Variants in RELCH observed in about 807,000 individuals in gnomAD.
RELCH encodes RAB11-binding protein RELCH.
RELCH carries 41 observed loss-of-function variants against 150.3 expected under a neutral mutation model. That is an observed-to-expected ratio of 0.27 (90% confidence interval 0.21 to 0.35). RELCH has a LOEUF of 0.35. RELCH is among the 10% of genes least tolerant of loss of function. RELCH has a pLI of 1.00. For synonymous variants in RELCH, 478 were observed against 531.8 expected, an observed-to-expected ratio of 0.90 and a Z score of 1.39; for missense variants, 1,092 against 1,467.8, an observed-to-expected ratio of 0.74 and a Z score of 4.18.
At chr18:62,260,920 G>C (rs892692049) in intron 15 of RELCH, among the ~76,000 whole-genome samples, 14 of 151,858 alleles carry the variant, frequency 9.2e-5, no homozygotes, top group African/African-American at 3.1e-4. Flanking sequence ...GTCTGGGGGA[G>C]TAATGAACAG....
chr18:62,232,394 C>A lies in RELCH; in HGVS notation c.1587C>A (p.His529Gln). 1 of 1,611,152 alleles carries A rather than the reference C, an allele frequency of 6.2e-7. No individual in the cohort carries two copies. ...VMLMLGRCLP[H>Q]IVPNVLLAKR... ...TAATGCTGGGACGCTGCCTGCCACA[C>A]ATTGTTCCCAATGTGCTATTGGCAA... Residue 529 changes from histidine to glutamine, a missense_variant, in exon 10 of 29, where the codon CAC (histidine) becomes CAA (glutamine). Around this residue, in one of 4 missense-constraint regions of RELCH, gnomAD observed 707 missense variants for 1,025.4 expected, o/e 0.69. Transcript: ENST00000644646.
At chr18:62,282,559 C>G in intron 25 of RELCH, 115 bp downstream of exon 25, 1 of 967,870 alleles carries the variant, frequency 1.0e-6, no homozygotes, top group Non-Finnish European at 1.6e-6. Flanking sequence ...GTGTTAAAGC[C>G]TTGTGTACTG....
rs756418002 is a variant in RELCH at position 62,227,703 on chromosome 18, C to T, written c.1154+14C>T. 7.6e-7 allele frequency: 1 copy of T among 1,319,508 alleles called. No homozygotes were observed. Among genetic ancestry groups the T allele is most frequent in the African/African-American group, 1.5e-5 (1 of 67,564 alleles). The allele number at this position is 1,319,508 out of a possible 1,614,324, so 81.7% of individuals were successfully genotyped here. A position where few individuals can be genotyped will look rare whatever the true frequency, so the allele number is the denominator to read the frequency against. ...AAGACTTAAAAGGTTAGTACTTGAT[C>T]ATTATTCCTAAAAATCCTCTTAAGG... On this transcript the variant is annotated intron_variant, in intron 7 of 28. Transcript: ENST00000644646.
At chr18:62,285,847 A>G (rs1304218530) in intron 25 of RELCH, 2 of 152,200 alleles carry the variant, frequency 1.3e-5, no homozygotes, top group African/African-American at 4.8e-5. Context: ...GCTTTTAACC[A>G]TCTGTCTACA....
chr18:62,266,145 A>G (rs980242501), intron 18 of RELCH, among the ~76,000 whole-genome samples: 1 of 149,752 alleles, frequency 6.7e-6, no homozygotes, highest in Non-Finnish European at 1.5e-5. Flanking sequence ...TAAAAAATTT[A>G]AACAAACCTC....
At chr18:62,291,421 G>A (rs2045127694) in intron 26 of RELCH, 122 bp from the exon 27 acceptor site, 1 of 529,768 alleles carries the variant, frequency 1.9e-6, no homozygotes, top group Admixed American at 4.0e-5. Context: ...TGTTTACCCT[G>A]AGTGATCACT....
At chr18:62,189,275 G>GTTTTTTTTTTTTTTGTTTT (rs200508195) in intron 1 of RELCH, among the ~76,000 whole-genome samples, 2 of 130,330 alleles carry the variant, frequency 1.5e-5, no homozygotes, top group Non-Finnish European at 3.3e-5. Context: ...TTTTTTTGTT[G>GTTTTTTTTTTTTTTGTTTT]TTTTTTTTTT....
intron 1 of RELCH, among the ~76,000 whole-genome samples, chr18:62,204,795 G>T (rs1259342497): frequency 6.6e-6 from 1 of 152,014 alleles, no homozygotes; most frequent in African/African-American, 2.4e-5. Flanking sequence ...CTTTCTTTTA[G>T]TGATTCATGG....
chr18:62,270,444 A>AT (rs2043830843), intron 20 of RELCH, among the ~76,000 whole-genome samples: 2 of 152,266 alleles, frequency 1.3e-5, no homozygotes, highest in Middle Eastern at 3.4e-3. Context: ...CATAGTAGTA[A>AT]TTTTTAAGTA....
At chr18:62,228,704 A>G (rs1025129024) in intron 8 of RELCH, 106 bp downstream of exon 8, 9 of 811,994 alleles carry the variant, frequency 1.1e-5, no homozygotes, top group Middle Eastern at 3.3e-4. Flanking sequence ...CAGATCAAAT[A>G]TATTAATTTT....
chr18:62,199,196 C>G (rs2039256336), intron 1 of RELCH, among the ~76,000 whole-genome samples: 2 of 151,328 alleles, frequency 1.3e-5, no homozygotes, highest in Non-Finnish European at 2.9e-5. Flanking sequence ...TGTTTATATT[C>G]CTGCCTTTCC....
At chr18:62,276,442 C>T (rs2044212699) in intron 22 of RELCH, among the ~76,000 whole-genome samples, 1 of 152,080 alleles carries the variant, frequency 6.6e-6, no homozygotes, top group Non-Finnish European at 1.5e-5. Context: ...TGTTTACTGT[C>T]ATTATCATTA....
intron 18 of RELCH, 139 bp downstream of exon 18, chr18:62,264,991 G>A: frequency 1.6e-6 from 1 of 629,518 alleles, no homozygotes; most frequent in Non-Finnish European, 2.5e-6. Context: ...TACTATGATA[G>A]TAAAAAAAAG....
intron 20 of RELCH, 52 bp from the exon 21 acceptor site, chr18:62,273,928 T>G (rs2044049419): frequency 1.8e-6 from 2 of 1,092,568 alleles, no homozygotes; most frequent in Admixed American, 3.5e-5. Flanking sequence ...AATATGGTAT[T>G]TAGTTCTACT....
Position 62,264,812 on chromosome 18 carries a change from G to T in RELCH, c.2591G>T (p.Arg864Leu), listed in dbSNP as rs766145734. ...CATGAATTCTCCAGATTTTTCTGGCGCCTTTGCCGGACATTTGGCAAAATT... is the reference window on the plus strand; with the variant it reads ...CATGAATTCTCCAGATTTTTCTGGCTCCTTTGCCGGACATTTGGCAAAATT... ...CVHEFSRFFW[R>L]LCRTFGKIFT... is the part of the protein sequence containing the mutation. The change falls in exon 18 of 29, where the codon CGC (arginine) becomes CTC (leucine). Residue 864 changes from arginine to leucine, a missense_variant. Physicochemically the swap from Arg to Leu is moderately radical, Grantham distance 102. Around this residue, in one of 4 missense-constraint regions of RELCH, gnomAD observed 707 missense variants for 1,025.4 expected, o/e 0.69. Coordinates refer to ENST00000644646, the MANE Select transcript of RELCH (RefSeq NM_001346231.2). 1.9e-6 allele frequency: 3 copies of T among 1,608,720 alleles called. No homozygotes were observed. Among genetic ancestry groups the T allele is most frequent in the Non-Finnish European group, 2.5e-6 (3 of 1,177,466 alleles).
chr18:62,274,017 A>G lies in RELCH; in HGVS notation c.2798A>G (p.Asp933Gly). 1 of 1,613,044 alleles carries G rather than the reference A, an allele frequency of 6.2e-7. No homozygotes were observed. The highest frequency in any genetic ancestry group is 8.5e-7 in the Non-Finnish European group (1 of 1,179,328). The change falls in exon 21 of 29, where the codon GAT becomes GGT. Residue 933 changes from aspartate (D) to glycine (G), a missense_variant. Coordinates refer to ENST00000644646, the MANE Select transcript of RELCH (RefSeq NM_001346231.2). ...AAACTGTTAGTTGGATTCTTAGAAG[A>G]TGTAATGACGCTGCTTTCATTATCT... ...DRKLLVGFLE[D>G]VMTLLSLSHA...
At chr18:62,301,711 T>C (rs2045672002) in intron 28 of RELCH, among the ~76,000 whole-genome samples, 1 of 152,118 alleles carries the variant, frequency 6.6e-6, no homozygotes, top group South Asian at 2.1e-4. Context: ...GAACCACACC[T>C]TGAGAATCAC....
intron 1 of RELCH, among the ~76,000 whole-genome samples, chr18:62,199,157 A>G (rs538613489): frequency 4.6e-5 from 7 of 150,566 alleles, no homozygotes; most frequent in African/African-American, 1.5e-4. Context: ...TATTTCTTCT[A>G]AATCCTGTGC....
chr18:62,243,843 C>T lies in RELCH; in HGVS notation c.1621-921C>T, dbSNP rs535474136. 2.0e-5 allele frequency among the ~76,000 whole-genome samples: 3 copies of T among 152,078 alleles called. No homozygotes were observed. The South Asian group carries it at 6.2e-4, about 32-fold the overall frequency. ...TCTCTTAACAGTTTTCGGTGAGTAT[C>T]AAGACAGATGGGAAAGAAATGGGTG... On this transcript the variant is annotated intron_variant, in intron 10 of 28. Coordinates refer to ENST00000644646, the MANE Select transcript of RELCH (RefSeq NM_001346231.2).
Sources: allele counts gnomAD v4.1 joint callset (sites outside exome capture counted in the v4.1 genomes callset), GRCh38; gene constraint gnomAD v4.1.1; regional missense constraint gnomAD v4.1.1; transcripts MANE v1.5; gene names NCBI Gene and HGNC (gene_info 2026-07-23, HGNC 2026-07-21).